The following SLC75A1 variants were observed in gnomAD, a reference collection of about 807,000 sequenced individuals.
SLC75A1 encodes major facilitator superfamily domain containing 10.
chr4:2,933,293 G>T, the SLC75A1 span: 3 of 1,319,236 alleles, frequency 2.3e-6, no homozygotes, highest in Admixed American at 3.9e-5. Flanking sequence ...GTCCAGCCCC[G>T]TCCTGAGGGT....
the SLC75A1 span, chr4:2,933,297 T>G: frequency 7.6e-7 from 1 of 1,320,634 alleles, no homozygotes; most frequent in East Asian, 2.4e-5. Flanking sequence ...AGCCCCGTCC[T>G]GAGGGTCCAG....
the SLC75A1 span, chr4:2,933,471 G>A: frequency 3.7e-6 from 5 of 1,356,576 alleles, no homozygotes; most frequent in Admixed American, 6.9e-5. Context: ...GGAGTGGGAA[G>A]GCAAGGACCG....
At chr4:2,931,540 G>A in the SLC75A1 span, 1 of 1,608,616 alleles carries the variant, frequency 6.2e-7, no homozygotes, top group Non-Finnish European at 8.5e-7. Flanking sequence ...ACCCGCTTTG[G>A]AGGGAGCCCC....
At chr4:2,930,900 A>G in the SLC75A1 span, 55 of 1,613,034 alleles carry the variant, frequency 3.4e-5, no homozygotes, top group Non-Finnish European at 4.2e-5. Context: ...AAGGGGAGCA[A>G]AAAGAGCCCG....
At chr4:2,931,112 G>T in the SLC75A1 span, 1 of 1,587,832 alleles carries the variant, frequency 6.3e-7, no homozygotes, top group Non-Finnish European at 8.6e-7. Context: ...CCTAGGCTGC[G>T]CAGTGTACCC....
the SLC75A1 span, chr4:2,931,723 G>T: frequency 1.3e-6 from 2 of 1,561,174 alleles, no homozygotes; most frequent in South Asian, 2.3e-5. Flanking sequence ...GCAGGGCCAG[G>T]GCGAGAGTGG....
chr4:2,934,278 C>CCCGGAT, the SLC75A1 span: 4,022 of 285,022 alleles, frequency 0.014, 149 homozygotes, highest in African/African-American at 0.086. Flanking sequence ...CCGCGGGGAA[C>CCCGGAT]CCGGATCCCG....
the SLC75A1 span, chr4:2,931,295 G>A: frequency 1.3e-6 from 2 of 1,550,310 alleles, no homozygotes; most frequent in Non-Finnish European, 1.7e-6. Context: ...ACATCGAGGA[G>A]GTGCCCGTCA....
chr4:2,930,737 G>A, the SLC75A1 span: 1 of 1,362,630 alleles, frequency 7.3e-7, no homozygotes, highest in Non-Finnish European at 9.9e-7. Context: ...CACCCACAGG[G>A]TCTCCCTGGA....
chr4:2,932,825 C>T, the SLC75A1 span: 1 of 1,508,858 alleles, frequency 6.6e-7, no homozygotes. Flanking sequence ...CAGAGTAGGG[C>T]TTGGCAACCC....
At chr4:2,934,213 C>A in the SLC75A1 span, 1 of 424,878 alleles carries the variant, frequency 2.4e-6, no homozygotes. Flanking sequence ...CTGGCCCCAC[C>A]CCACCCCACG....
At chr4:2,931,191 C>A in the SLC75A1 span, 1 of 1,557,780 alleles carries the variant, frequency 6.4e-7, no homozygotes, top group Middle Eastern at 1.7e-4. Flanking sequence ...GCCCTTCTCC[C>A]GCTCAGGTGG....
the SLC75A1 span, chr4:2,930,573 A>AAACAAAC: frequency 1.8e-6 from 1 of 549,012 alleles, no homozygotes; most frequent in African/African-American, 1.9e-5. Context: ...GGTATAAAAC[A>AAACAAAC]AACAGGTGCT....
chr4:2,932,015 G>T, the SLC75A1 span: 6 of 1,607,262 alleles, frequency 3.7e-6, no homozygotes, highest in Non-Finnish European at 5.1e-6. Flanking sequence ...GGGAGAGCAG[G>T]CTCCACGCTT....
chr4:2,934,008 C>T, the SLC75A1 span: 24 of 1,404,892 alleles, frequency 1.7e-5, no homozygotes, highest in Admixed American at 3.4e-4. Flanking sequence ...TGGCATACCC[C>T]CACACCCGAC....
chr4:2,933,241 C>G, the SLC75A1 span: 1 of 1,587,670 alleles, frequency 6.3e-7, no homozygotes, highest in African/African-American at 1.3e-5. Flanking sequence ...CATGGGGCTG[C>G]CTGGCACCAT....
the SLC75A1 span, chr4:2,932,054 A>G: frequency 1.9e-6 from 3 of 1,610,970 alleles, no homozygotes; most frequent in Non-Finnish European, 2.5e-6. Context: ...CTGTCTCCAG[A>G]GGGTGGGTCC....
chr4:2,931,717 G>T, the SLC75A1 span: 9 of 1,570,666 alleles, frequency 5.7e-6, no homozygotes, highest in East Asian at 1.8e-4. Flanking sequence ...CCCAGGGCAG[G>T]GCCAGGGCGA....
the SLC75A1 span, chr4:2,933,804 C>T: frequency 1.5e-4 from 237 of 1,591,712 alleles, 1 homozygote; most frequent in South Asian, 2.4e-3. Flanking sequence ...GCAGCAGCAG[C>T]GTGAAGGCCA....
Sources: gnomAD v4.1 joint callset for allele counts on GRCh38, gnomAD v4.1.1 for gene constraint, MANE v1.5 for transcripts, NCBI Gene and HGNC (gene_info 2026-07-23, HGNC 2026-07-21) for gene names.